The following VAV1 variants were observed in gnomAD, a reference collection of about 807,000 sequenced individuals.
VAV1 encodes vav guanine nucleotide exchange factor 1.
A neutral mutation model predicts 128.1 loss-of-function variants in VAV1; 33 were observed. That is an observed-to-expected ratio of 0.26 (90% CI 0.20 to 0.34). VAV1 has a LOEUF of 0.34. VAV1 is among the 10% of genes least tolerant of loss of function. VAV1 has a pLI of 1.00. For synonymous variants in VAV1, 394 were observed against 409.8 expected (o/e 0.96, Z 0.47); for missense variants, 715 against 1,093.7 (o/e 0.65, Z 4.88).
At chr19:6,856,730 G>GAAAA (rs1222535432) in intron 26 of VAV1, among the ~76,000 whole-genome samples, 1 of 68,852 alleles carries the variant, frequency 1.5e-5, no homozygotes, top group Non-Finnish European at 3.1e-5. Flanking sequence ...TCTCAAAAAA[G>GAAAA]AAAAAAAAAA....
intron 1 of VAV1, chr19:6,816,332 T>G (rs1259818931): frequency 6.6e-6 from 1 of 152,032 alleles, no homozygotes; most frequent in Non-Finnish European, 1.5e-5. Flanking sequence ...AAAAACATTT[T>G]TAAAATTAGC....
At chr19:6,810,030 G>A (rs771097008) in intron 1 of VAV1, among the ~76,000 whole-genome samples, 50 of 151,888 alleles carry the variant, frequency 3.3e-4, no homozygotes, top group Non-Finnish European at 6.6e-4. Flanking sequence ...TAAAAATAAC[G>A]TTATCTGGGC....
At chr19:6,825,537 CT>C in intron 8 of VAV1, 131 bp downstream of exon 8, 1 of 699,822 alleles carries the variant, frequency 1.4e-6, no homozygotes, top group East Asian at 2.7e-5. Context: ...GGGCGAGGGG[CT>C]GCCCATCTCT....
Position 6,850,878 on chromosome 19 carries a change from T to TG in VAV1, c.2217+122dup, listed in dbSNP as rs1972659319. 7 of 826,012 alleles carry TG rather than the reference T, an allele frequency of 8.5e-6. No individual in the cohort carries two copies. In the East Asian group the frequency reaches 1.8e-4, roughly 22 times the overall value. 51.2% of individuals were successfully genotyped at this position (826,012 alleles called of 1,614,324 possible). On this transcript the variant is annotated intron_variant, in intron 24 of 26. Coordinates refer to ENST00000602142, the MANE Select transcript of VAV1 (RefSeq NM_005428.4). ...TGACCCCCCTCCAGTGGCACTACAG[T>TG]GCAAGTGACCTTAAACTTATGCTCT...
intron 1 of VAV1, among the ~76,000 whole-genome samples, chr19:6,802,829 C>T (rs1971304816): frequency 6.6e-6 from 1 of 152,176 alleles, no homozygotes; most frequent in Non-Finnish European, 1.5e-5. Context: ...CTCTCTGAGC[C>T]TCAGTTGTTT....
At chr19:6,791,043 C>G (rs1837237043) in intron 1 of VAV1, among the ~76,000 whole-genome samples, 1 of 152,210 alleles carries the variant, frequency 6.6e-6, no homozygotes, top group Non-Finnish European at 1.5e-5. Context: ...GATTGTGACT[C>G]CATCTTTACA....
rs539299731 is a variant in VAV1 at position 6,832,824 on chromosome 19, C to A, written c.1509-360C>A. 1.8e-4 allele frequency among the ~76,000 whole-genome samples: 27 copies of A among 152,198 alleles called. No individual in the cohort carries two copies. The Middle Eastern group carries it at 0.017, about 96-fold the overall frequency. On this transcript the variant is annotated intron_variant, in intron 15 of 26. Transcript: ENST00000602142. The stretch of plus-strand genomic sequence containing the variant: ...CAAAATTCCAACAACAAAAATCTAA[C>A]AATTTCGAAGTGTATGATCGCATGG...
intron 1 of VAV1, among the ~76,000 whole-genome samples, chr19:6,790,505 C>G (rs1234796989): frequency 6.6e-6 from 1 of 152,172 alleles, no homozygotes. Context: ...AAAGGAGAAT[C>G]TTTCTCTGCC....
chr19:6,828,737 G>A lies in VAV1; in HGVS notation c.1179+29G>A. ...AGGCGGTGGAGCCGGGTGGGCCAGG[G>A]GTGTGGCCACGTGGGGAGAGTGTGT... On this transcript the variant is annotated intron_variant, in intron 12 of 26. Transcript: ENST00000602142. This position sits in a 1 kb window ranked among gnomAD's most constrained non-coding sequence, Gnocchi z 4.5. 6.2e-7 allele frequency: 1 copy of A among 1,613,986 alleles called. No individual in the cohort carries two copies. Among genetic ancestry groups the A allele is most frequent in the Non-Finnish European group, 8.5e-7 (1 of 1,179,912 alleles).
At chr19:6,831,461 G>A (rs755352544) in intron 14 of VAV1, among the ~76,000 whole-genome samples, 10 of 152,000 alleles carry the variant, frequency 6.6e-5, no homozygotes, top group Non-Finnish European at 1.3e-4. Context: ...ACAGGTGCCC[G>A]CCACCACGCC....
intron 23 of VAV1, among the ~76,000 whole-genome samples, chr19:6,849,204 T>C (rs1374655582): frequency 2.7e-5 from 4 of 150,186 alleles, no homozygotes; most frequent in Non-Finnish European, 4.4e-5. Flanking sequence ...ACCCAGGGAG[T>C]GATCATATAC....
At chr19:6,789,260 C>CTTTTTTTTTTTTTTTTTTTTTTTTT (rs771682522) in intron 1 of VAV1, among the ~76,000 whole-genome samples, 2 of 144,936 alleles carry the variant, frequency 1.4e-5, no homozygotes, top group African/African-American at 5.1e-5. Flanking sequence ...CTCCTTTCTT[C>CTTTTTTTTTTTTTTTTTTTTTTTTT]TTTTTTTTTT....
Position 6,848,120 on chromosome 19 carries a change from T to G in VAV1, c.2129+6T>G, listed in dbSNP as rs746273765. ...GAATTTGCCATCAGCATTAAGTAAC[T>G]CCTTTCTCCCTGACTCATACCCTTT... On this transcript the variant is annotated splice_donor_region_variant and intron_variant, in intron 23 of 26. Coordinates refer to ENST00000602142, the MANE Select transcript of VAV1 (RefSeq NM_005428.4). 6 of 1,545,174 alleles carry G rather than the reference T, an allele frequency of 3.9e-6. No individual in the cohort carries two copies. The Admixed American group carries it at 1.3e-4, about 34-fold the overall frequency.
intron 1 of VAV1, among the ~76,000 whole-genome samples, chr19:6,803,462 C>G (rs766681664): frequency 6.6e-6 from 1 of 152,184 alleles, no homozygotes; most frequent in Non-Finnish European, 1.5e-5. Flanking sequence ...CCTGTTTTAG[C>G]TAGTCCTCAA....
At position 6,834,073 on chromosome 19, in the gene VAV1, A is replaced by G; in HGVS notation, c.1777+120A>G. 1.4e-6 allele frequency: 2 copies of G among 1,414,570 alleles called. 1 individual carries two copies. The highest frequency in any genetic ancestry group is 2.4e-5 in the South Asian group (2 of 83,700). The allele number at this position is 1,414,570 out of a possible 1,614,324, so 87.6% of individuals were successfully genotyped here. ...CACATTGGGCCGGGTGCAATAGCTC[A>G]CACCTGTAATCCCAACAATTTGGGA... On this transcript the variant is annotated intron_variant, in intron 19 of 26. Transcript: ENST00000602142.
intron 22 of VAV1, 85 bp downstream of exon 22, chr19:6,843,251 A>G: frequency 6.8e-7 from 1 of 1,461,954 alleles, no homozygotes; most frequent in Non-Finnish European, 9.6e-7. Flanking sequence ...CTCCGAGCCA[A>G]TTAGTTATGC....
chr19:6,829,745 T>G (rs764921092), intron 13 of VAV1, 41 bp from the exon 14 acceptor site: 1 of 1,611,030 alleles, frequency 6.2e-7, no homozygotes, highest in South Asian at 1.1e-5. Flanking sequence ...ATGGGGACAG[T>G]TGGGAAGAGC....
In VAV1 at chr19:6,828,326, G is replaced by A; in HGVS notation, c.1024-93G>A. 6.4e-7 allele frequency: 1 copy of A among 1,560,110 alleles called. No individual in the cohort carries two copies. On this transcript the variant is annotated intron_variant, in intron 10 of 26. Coordinates refer to ENST00000602142, the MANE Select transcript of VAV1 (RefSeq NM_005428.4). The surrounding 1 kb of genome is among the most constrained non-coding windows in gnomAD (Gnocchi z 4.5). ...CAGCCTCCAGGGTCAGCAGTACGAT[G>A]GAGGAGCTGGTGAGCTAGCATTGTT...
chr19:6,828,735 G>C lies in VAV1; in HGVS notation c.1179+27G>C, dbSNP rs1192897820. 1.2e-6 allele frequency: 2 copies of C among 1,613,944 alleles called. No homozygotes were observed. Among genetic ancestry groups the C allele is most frequent in the African/African-American group, 2.7e-5 (2 of 74,900 alleles). On this transcript the variant is annotated intron_variant, in intron 12 of 26. Coordinates refer to ENST00000602142, the MANE Select transcript of VAV1 (RefSeq NM_005428.4). This position sits in a 1 kb window ranked among gnomAD's most constrained non-coding sequence, Gnocchi z 4.5. The stretch of plus-strand genomic sequence containing the variant: ...TGAGGCGGTGGAGCCGGGTGGGCCA[G>C]GGGTGTGGCCACGTGGGGAGAGTGT...
Sources: allele counts gnomAD v4.1 joint callset (sites outside exome capture counted in the v4.1 genomes callset), GRCh38; gene constraint gnomAD v4.1.1; non-coding constraint Gnocchi (gnomAD v3.1); transcripts MANE v1.5; gene names NCBI Gene and HGNC (gene_info 2026-07-23, HGNC 2026-07-21).